The following LRPPRC variants were observed in gnomAD, a reference collection of about 807,000 sequenced individuals.
LRPPRC encodes leucine rich pentatricopeptide repeat containing, also known as leucine-rich PPR motif-containing protein, mitochondrial.
Under a neutral mutation model 180.3 loss-of-function variants are expected in LRPPRC, and 120 were observed. The ratio of observed to expected loss-of-function variants is 0.67; its 90% CI spans 0.57 to 0.77. LRPPRC has a LOEUF of 0.77. Ranked by LOEUF, LRPPRC falls within the 30% of genes least tolerant of loss-of-function variation. The probability of loss-of-function intolerance (pLI) is 0.00; values close to 1 mark genes in which losing one functional copy is unlikely to be tolerated. For synonymous variants in LRPPRC, 723 were observed against 600.0 expected (o/e 1.21, Z -3.00); for missense variants, 2,012 against 1,657.2 (o/e 1.21, Z -3.72).
chr2:43,981,641 C>T (rs1052493310), intron 2 of LRPPRC, among the ~76,000 whole-genome samples: 3 of 151,182 alleles, frequency 2.0e-5, no homozygotes, highest in African/African-American at 7.3e-5. Flanking sequence ...TGCTGGGCGA[C>T]AGAGCGATAC....
intron 12 of LRPPRC, among the ~76,000 whole-genome samples, chr2:43,962,149 A>G (rs917487669): frequency 1.8e-4 from 28 of 152,296 alleles, no homozygotes; most frequent in African/African-American, 4.1e-4. Flanking sequence ...GTTCCCTAAG[A>G]TAAGTCACTA....
chr2:43,990,920 A>G (rs1178650622), intron 1 of LRPPRC, among the ~76,000 whole-genome samples: 1 of 149,484 alleles, frequency 6.7e-6, no homozygotes, highest in Non-Finnish European at 1.5e-5. Flanking sequence ...ATCTCGGCTC[A>G]CTGCAACCTC....
intron 1 of LRPPRC, among the ~76,000 whole-genome samples, chr2:43,986,415 C>A (rs779920028): frequency 1.3e-5 from 2 of 152,204 alleles, no homozygotes; most frequent in African/African-American, 4.8e-5. Context: ...CAGGCATGAG[C>A]CACCATGCCC....
chr2:43,957,366 T>C lies in LRPPRC; in HGVS notation c.1649+19A>G. 1 of 1,581,510 alleles carries C rather than the reference T, an allele frequency of 6.3e-7. No individual in the cohort carries two copies. Among genetic ancestry groups the C allele is most frequent in the South Asian group, 1.1e-5 (1 of 90,398 alleles). ...TCAGTCCATGTTCAGGCAAGGAACATTTAAGTTGATCATCTTACCTCCTGA... is the reference window on the plus strand; with the variant it reads ...TCAGTCCATGTTCAGGCAAGGAACACTTAAGTTGATCATCTTACCTCCTGA... On this transcript the variant is annotated intron_variant, in intron 14 of 37. Coordinates refer to ENST00000260665, the MANE Select transcript of LRPPRC (RefSeq NM_133259.4).
intron 13 of LRPPRC, among the ~76,000 whole-genome samples, 195 bp downstream of exon 13, chr2:43,960,346 T>C (rs940954325): frequency 1.3e-5 from 2 of 152,206 alleles, no homozygotes; most frequent in Non-Finnish European, 2.9e-5. Context: ...ATATTACATA[T>C]AATATTCAAT....
chr2:43,996,128 T>G (rs1417369393), upstream of LRPPRC: 2 of 553,750 alleles, frequency 3.6e-6, no homozygotes. Flanking sequence ...GAAGACCCAA[T>G]GTAATATTTA....
At chr2:43,911,044 T>C (rs1346536523) in intron 30 of LRPPRC, among the ~76,000 whole-genome samples, 1 of 151,870 alleles carries the variant, frequency 6.6e-6, no homozygotes, top group Non-Finnish European at 1.5e-5. Context: ...CTGAGAAAAG[T>C]AATTTTAGAT....
rs1318045762 is a variant in LRPPRC at position 43,944,350 on chromosome 2, G to C, written c.2297-456C>G. ...CTGTTTGCTATGTCGATACTAATTA[G>C]CCAAGCAGAGCCAATGAAAGCTTTC... On this transcript the variant is annotated intron_variant, in intron 22 of 37. Transcript: ENST00000260665. Among the ~76,000 whole-genome samples the C allele has an allele frequency of 2.6e-5, 4 of 152,016 alleles. No homozygotes were observed. The East Asian group carries it at 7.7e-4, about 29-fold the overall frequency.
chr2:43,958,786 C>G (rs1395093528), intron 13 of LRPPRC, among the ~76,000 whole-genome samples: 1 of 152,130 alleles, frequency 6.6e-6, no homozygotes, highest in African/African-American at 2.4e-5. Flanking sequence ...TAGTGCATTC[C>G]TAAGAGCTGC....
chr2:43,953,597 A>T (rs1345373399), intron 14 of LRPPRC, among the ~76,000 whole-genome samples: 3 of 152,236 alleles, frequency 2.0e-5, no homozygotes, highest in Non-Finnish European at 2.9e-5. Context: ...TCAATTAAAA[A>T]TTTTAGATGC....
chr2:43,901,713 T>C (rs1670893048), intron 31 of LRPPRC, 189 bp from the exon 32 acceptor site: 2 of 585,946 alleles, frequency 3.4e-6, no homozygotes, highest in Non-Finnish European at 3.0e-6. Context: ...CTTGACTATA[T>C]AAGATATTAG....
chr2:43,955,774 AC>A (rs1427820577), intron 14 of LRPPRC, among the ~76,000 whole-genome samples: 1 of 152,124 alleles, frequency 6.6e-6, no homozygotes, highest in African/African-American at 2.4e-5. Context: ...ACTACCAATA[AC>A]TGATTCAACA....
At chr2:43,968,292 T>C (rs1673647775) in intron 11 of LRPPRC, among the ~76,000 whole-genome samples, 1 of 152,236 alleles carries the variant, frequency 6.6e-6, no homozygotes, top group Admixed American at 6.5e-5. Flanking sequence ...TAAATCTTTC[T>C]AACTACCATC....
At chr2:43,909,611 T>TTAATAATAATAA (rs10542740) in intron 30 of LRPPRC, among the ~76,000 whole-genome samples, 22 of 143,716 alleles carry the variant, frequency 1.5e-4, no homozygotes, top group African/African-American at 4.9e-4. Flanking sequence ...AAAAACCCAA[T>TTAATAATAATAA]TAATAATAAT....
rs4953032 is a variant in LRPPRC, at chr2:43,901,773, C to T, written c.3365-249G>A. ...GTCACAGAGAAAATACAAATGTTAC[C>T]GACAATATGAGTTCCATTTAGGGAT... is the stretch of plus-strand genomic sequence containing the variant. On this transcript the variant is annotated intron_variant, in intron 31 of 37. Transcript: ENST00000260665. 0.48 allele frequency: 226,943 copies of T among 470,732 alleles called. 59,803 individuals carry two copies. Among genetic ancestry groups the T allele is most frequent in the East Asian group, 0.94 (24,779 of 26,310 alleles). 29.2% of individuals were successfully genotyped at this position (470,732 alleles called of 1,614,324 possible). A position where few individuals can be genotyped will look rare whatever the true frequency, so the allele number is the denominator to read the frequency against.
chr2:43,976,192 C>T lies in LRPPRC; in HGVS notation c.688G>A (p.Val230Ile), dbSNP rs1234642178. 2.5e-6 allele frequency: 4 copies of T among 1,612,244 alleles called. No individual in the cohort carries two copies. Among genetic ancestry groups the T allele is most frequent in the South Asian group, 2.2e-5 (2 of 91,036 alleles). ...AGGGCACTGAATACTGCCTCTGTAA[C>T]TGGGAGATCCTTAGTTTTCATAAAT... is the stretch of plus-strand genomic sequence containing the variant. ...LGFMKTKDLP[V>I]TEAVFSALVT... The change falls in exon 6 of 38, where the codon GTT (valine) becomes ATT (isoleucine). Residue 230 changes from valine (V) to isoleucine (I), a missense_variant. Physicochemically the swap from Val to Ile is conservative, Grantham distance 29. Coordinates refer to ENST00000260665, the MANE Select transcript of LRPPRC (RefSeq NM_133259.4).
chr2:43,996,127 A>G (rs980813106), upstream of LRPPRC: 28 of 554,848 alleles, frequency 5.0e-5, no homozygotes, highest in Middle Eastern at 4.7e-4. Flanking sequence ...AGAAGACCCA[A>G]TGTAATATTT....
In LRPPRC at chr2:43,936,218, G is replaced by A. The variant is rs537444705; in HGVS notation, c.2505-1340C>T. Among the ~76,000 whole-genome samples the A allele has an allele frequency of 4.6e-5, 7 of 152,270 alleles. No individual in the cohort carries two copies. The East Asian group carries it at 1.4e-3, about 29-fold the overall frequency. On this transcript the variant is annotated intron_variant, in intron 23 of 37. Transcript: ENST00000260665. The stretch of plus-strand genomic sequence containing the variant: ...CTGGCTGATTTGACTAAGGCTACCA[G>A]GTAAACAGAGGAAGGTACTAGGTAA...
chr2:43,899,220 T>G lies in LRPPRC; in HGVS notation c.3824A>C (p.Gln1275Pro). ...GCTCCATGAGTGGAGGGTCATTACC[T>G]GTAGGAGAGCTCTGGCATCATCCAC... ...GKVDDARALL[Q>P]RCGAIAEQTP... The change falls in exon 34 of 38, where the codon CAG becomes CCG. Residue 1275 changes from glutamine to proline, a missense_variant and splice_region_variant. Physicochemically the swap from Gln to Pro is moderately conservative, Grantham distance 76. Transcript: ENST00000260665. 6.2e-7 allele frequency: 1 copy of G among 1,610,172 alleles called. No individual in the cohort carries two copies. Among genetic ancestry groups the G allele is most frequent in the Non-Finnish European group, 8.5e-7 (1 of 1,176,492 alleles).
Sources: gnomAD v4.1 joint callset for allele counts (sites outside exome capture counted in the v4.1 genomes callset) on GRCh38, gnomAD v4.1.1 for gene constraint, MANE v1.5 for transcripts, NCBI Gene and HGNC (gene_info 2026-07-23, HGNC 2026-07-21) for gene names.